Variants in ADK observed in about 807,000 individuals in gnomAD.
ADK encodes the protein N6,N6-dimethyladenosine kinase.
A neutral mutation model predicts 44.7 loss-of-function variants in ADK; 24 were observed. The ratio of observed to expected loss-of-function variants is 0.54; its 90% confidence interval spans 0.39 to 0.76. The LOEUF is 0.76. Ranked by LOEUF, ADK falls within the 30% of genes least tolerant of loss-of-function variation. The probability of loss-of-function intolerance (pLI) is 0.00; values close to 1 mark genes in which losing one functional copy is unlikely to be tolerated. For missense variants in ADK, 321 were observed against 425.1 expected, an observed-to-expected ratio of 0.76 and a Z score of 2.15; for synonymous variants, 128 against 142.6, an observed-to-expected ratio of 0.90 and a Z score of 0.73.
In ADK at chr10:74,355,301, A is replaced by AGTAT. The variant is rs752235162; in HGVS notation, c.274-38827_274-38824dup. Among the ~76,000 whole-genome samples the AGTAT allele has an allele frequency of 4.6e-5, 7 of 152,290 alleles. No homozygotes were observed. In the East Asian group the frequency reaches 1.2e-3, roughly 25 times the overall value. On this transcript the variant is annotated intron_variant, in intron 4 of 10. Coordinates refer to ENST00000539909, the MANE Select transcript of ADK (RefSeq NM_006721.4). ...CAAGATTACTTGGAATTGTTAAGAG[A>AGTAT]GTATGTATGTATGTATAAGTTAACT... is the stretch of plus-strand genomic sequence containing the variant.
chr10:74,453,731 T>G (rs1845850622), intron 6 of ADK, among the ~76,000 whole-genome samples: 1 of 152,136 alleles, frequency 6.6e-6, no homozygotes, highest in Admixed American at 6.5e-5. Flanking sequence ...TAATAATTTA[T>G]AAACTTATAA....
chr10:74,656,527 C>G (rs1010459347), intron 9 of ADK, among the ~76,000 whole-genome samples: 2 of 152,162 alleles, frequency 1.3e-5, no homozygotes, highest in Non-Finnish European at 2.9e-5. Context: ...CTGGTGCTCC[C>G]TTCTTCCTCC....
Position 74,402,427 on chromosome 10 carries a change from C to G in ADK, c.555+3848C>G, listed in dbSNP as rs536545921. Among the ~76,000 whole-genome samples, 7 of 152,200 alleles carry G rather than the reference C, an allele frequency of 4.6e-5. No individual in the cohort carries two copies. In the South Asian group the frequency reaches 1.5e-3, roughly 32 times the overall value. ...CACATAGTCCCATATTTCTTGGAGGCTTTGTGCGTTTCTTTTTACTCTTTT... is the reference window on the plus strand; with the variant it reads ...CACATAGTCCCATATTTCTTGGAGGGTTTGTGCGTTTCTTTTTACTCTTTT... On this transcript the variant is annotated intron_variant, in intron 6 of 10. Coordinates refer to ENST00000539909, the MANE Select transcript of ADK (RefSeq NM_006721.4).
intron 9 of ADK, among the ~76,000 whole-genome samples, chr10:74,638,178 G>C (rs1853683470): frequency 6.6e-6 from 1 of 152,162 alleles, no homozygotes; most frequent in Non-Finnish European, 1.5e-5. Flanking sequence ...TTAAGATATA[G>C]ATTTGTAAAT....
chr10:74,398,386 T>C, intron 5 of ADK, 85 bp from the exon 6 acceptor site: 9 of 812,834 alleles, frequency 1.1e-5, no homozygotes, highest in Non-Finnish European at 1.5e-5. Flanking sequence ...AATTTTAAAC[T>C]TTGCAAAAAA....
intron 6 of ADK, among the ~76,000 whole-genome samples, chr10:74,401,223 T>A (rs986127369): frequency 6.6e-6 from 1 of 152,152 alleles, no homozygotes; most frequent in Non-Finnish European, 1.5e-5. Context: ...TTGGGATATA[T>A]CTGTTTTTTC....
In ADK at chr10:74,582,790, T is replaced by TA. The variant is rs1262385244; in HGVS notation, c.727-6490dup. On this transcript the variant is annotated intron_variant, in intron 7 of 10. Coordinates refer to ENST00000539909, the MANE Select transcript of ADK (RefSeq NM_006721.4). The stretch of plus-strand genomic sequence containing the variant: ...TTTTGGCACTCAATAAAATGTTAAA[T>TA]AATATTTTTATTCAGCATTCTGTAG... Among the ~76,000 whole-genome samples the TA allele has an allele frequency of 2.0e-5, 3 of 152,300 alleles. No individual in the cohort carries two copies. In the East Asian group the frequency reaches 5.8e-4, roughly 29 times the overall value.
chr10:74,579,233 TAAA>T (rs10719538), intron 7 of ADK, among the ~76,000 whole-genome samples: 3 of 141,426 alleles, frequency 2.1e-5, no homozygotes, highest in Admixed American at 7.0e-5. Flanking sequence ...GACCCTGTCT[TAAA>T]AAAAAAAAAA....
chr10:74,586,359 C>G (rs2133910532), intron 7 of ADK, among the ~76,000 whole-genome samples: 1 of 152,194 alleles, frequency 6.6e-6, no homozygotes, highest in Admixed American at 6.5e-5. Flanking sequence ...TGTGAGGGGG[C>G]ACTAAGACAA....
intron 6 of ADK, among the ~76,000 whole-genome samples, chr10:74,502,319 G>A (rs1159041064): frequency 6.6e-6 from 1 of 152,002 alleles, no homozygotes; most frequent in African/African-American, 2.4e-5. Flanking sequence ...ACAAAAAGAA[G>A]CATAGCTTCC....
Position 74,652,046 on chromosome 10 carries a change from C to CTTTTTTTT in ADK, c.878-18134_878-18133insTTTTTTTT, listed in dbSNP as rs1401635840. ...GAAGGGATATGAAGGAACTTTCTTTCTTTCTTTTTTTTTTTTTTTGAGACA... is the reference window on the plus strand; with the variant it reads ...GAAGGGATATGAAGGAACTTTCTTTCTTTTTTTTTTTCTTTTTTTTTTTTTTTGAGACA... On this transcript the variant is annotated intron_variant, in intron 9 of 10. Transcript: ENST00000539909. Among the ~76,000 whole-genome samples, 4 of 138,552 alleles carry CTTTTTTTT rather than the reference C, an allele frequency of 2.9e-5. 1 individual carries two copies. Among genetic ancestry groups the CTTTTTTTT allele is most frequent in the African/African-American group, 8.3e-5 (3 of 36,216 alleles). The allele number at this position is 138,552 out of a possible 152,430, so 90.9% of individuals were successfully genotyped here. A position where few individuals can be genotyped will look rare whatever the true frequency, so the allele number is the denominator to read the frequency against.
intron 6 of ADK, among the ~76,000 whole-genome samples, chr10:74,520,773 A>G (rs1052963857): frequency 2.6e-5 from 4 of 151,954 alleles, no homozygotes; most frequent in African/African-American, 7.2e-5. Context: ...GTTTGGTTCT[A>G]TTTTAGTCTG....
At chr10:74,639,814 T>C (rs1011628853) in intron 9 of ADK, among the ~76,000 whole-genome samples, 1 of 151,798 alleles carries the variant, frequency 6.6e-6, no homozygotes, top group African/African-American at 2.4e-5. Context: ...CCAGCCTGGG[T>C]GACAGAGCGA....
rs12573198 is a variant in ADK at position 74,530,797 on chromosome 10, C to G, written c.726+5371C>G. On this transcript the variant is annotated intron_variant, in intron 7 of 10. Coordinates refer to ENST00000539909, the MANE Select transcript of ADK (RefSeq NM_006721.4). ...AAAAAAGCCTGGCAGGGTGGTTGTG[C>G]GCCTGTAATCCCAGCTACTCGGGTG... Among the ~76,000 whole-genome samples, 439 of 152,104 alleles carry G rather than the reference C, an allele frequency of 2.9e-3. 5 individuals carry two copies. The highest frequency in any genetic ancestry group is 0.018 in the East Asian group (93 of 5,162).
intron 1 of ADK, among the ~76,000 whole-genome samples, chr10:74,184,977 T>G (rs146890964): frequency 2.2e-3 from 338 of 152,298 alleles, no homozygotes; most frequent in African/African-American, 7.7e-3. Context: ...AAATTAGGGA[T>G]TATTTGTTAT....
intron 4 of ADK, among the ~76,000 whole-genome samples, chr10:74,377,649 C>T (rs1276592647): frequency 2.6e-5 from 4 of 152,130 alleles, no homozygotes; most frequent in Non-Finnish European, 4.4e-5. Flanking sequence ...GCAGTCATGT[C>T]AAAACCATGA....
chr10:74,643,636 A>G (rs1853953084), intron 9 of ADK, among the ~76,000 whole-genome samples: 1 of 152,040 alleles, frequency 6.6e-6, no homozygotes, highest in South Asian at 2.1e-4. Flanking sequence ...GCTGGTTTTA[A>G]TTTCCTGCTT....
intron 6 of ADK, among the ~76,000 whole-genome samples, chr10:74,420,729 G>T (rs1844527759): frequency 6.6e-6 from 1 of 152,064 alleles, no homozygotes; most frequent in South Asian, 2.1e-4. Context: ...CTCCTGTCTA[G>T]AACTCAATAA....
At chr10:74,417,155 GA>G (rs1456289342) in intron 6 of ADK, among the ~76,000 whole-genome samples, 2 of 152,004 alleles carry the variant, frequency 1.3e-5, no homozygotes, top group Non-Finnish European at 2.9e-5. Context: ...TATTAACTGA[GA>G]ATTTGTTTTT....
Sources: gnomAD v4.1 joint callset for allele counts (sites outside exome capture counted in the v4.1 genomes callset) on GRCh38, gnomAD v4.1.1 for gene constraint, MANE v1.5 for transcripts, NCBI Gene and HGNC (gene_info 2026-07-23, HGNC 2026-07-21) for gene names.